Variants in ARID3A observed in about 807,000 individuals in gnomAD.
ARID3A encodes the protein AT-rich interactive domain-containing protein 3A.
A neutral mutation model predicts 52.7 loss-of-function variants in ARID3A; 11 were observed. The observed-to-expected ratio is 0.21, with a 90% CI of 0.13 to 0.35. The LOEUF (loss-of-function observed/expected upper bound fraction) is 0.35. Among genes scored for constraint, ARID3A ranks in the 10% least tolerant of loss-of-function variants. The pLI, the probability that ARID3A is intolerant of heterozygous loss-of-function variation, is 1.00. For synonymous variants in ARID3A, 404 were observed against 359.4 expected (o/e 1.12, Z -1.40); for missense variants, 721 against 838.5 (o/e 0.86, Z 1.73).
At chr19:965,823 C>T (rs1174341979) in intron 6 of ARID3A, among the ~76,000 whole-genome samples, 4 of 151,624 alleles carry the variant, frequency 2.6e-5, no homozygotes, top group Non-Finnish European at 5.9e-5. Context: ...GAAACCCTGT[C>T]TCTACTAAAA....
At chr19:927,635 C>T (rs2037229336) in intron 1 of ARID3A, among the ~76,000 whole-genome samples, 1 of 146,340 alleles carries the variant, frequency 6.8e-6, no homozygotes, top group African/African-American at 2.6e-5. Flanking sequence ...GGGGGAGGGG[C>T]GACAGACCCG....
intron 2 of ARID3A, among the ~76,000 whole-genome samples, chr19:932,027 G>T (rs1210623104): frequency 9.9e-5 from 15 of 151,482 alleles, no homozygotes; most frequent in Non-Finnish European, 1.5e-4. Context: ...AGAGAGTCTT[G>T]CTCTGTGGCC....
chr19:926,672 C>T (rs2037206869), intron 1 of ARID3A, among the ~76,000 whole-genome samples: 1 of 150,884 alleles, frequency 6.6e-6, no homozygotes, highest in African/African-American at 2.4e-5. Flanking sequence ...ACACCGCGGC[C>T]CCCGGGCGCC....
At chr19:954,591 G>A (rs901510090) in intron 3 of ARID3A, among the ~76,000 whole-genome samples, 9 of 152,256 alleles carry the variant, frequency 5.9e-5, no homozygotes, top group African/African-American at 1.9e-4. Context: ...CACAGCTGGG[G>A]CCATGCGAGG....
At chr19:935,532 TA>T (rs1247859115) in intron 3 of ARID3A, among the ~76,000 whole-genome samples, 17 of 152,116 alleles carry the variant, frequency 1.1e-4, no homozygotes, top group Non-Finnish European at 2.5e-4. Flanking sequence ...GGCTGGAGTG[TA>T]GTGGTGCTGT....
chr19:954,594 A>G (rs1338175744), intron 3 of ARID3A, among the ~76,000 whole-genome samples: 1 of 152,206 alleles, frequency 6.6e-6, no homozygotes, highest in East Asian at 1.9e-4. Context: ...AGCTGGGGCC[A>G]TGCGAGGGCT....
At chr19:943,856 C>G (rs2037611974) in intron 3 of ARID3A, among the ~76,000 whole-genome samples, 1 of 152,198 alleles carries the variant, frequency 6.6e-6, no homozygotes, top group African/African-American at 2.4e-5. Context: ...CTGAGCCCGA[C>G]CCTTTCATGG....
chr19:941,151 G>T lies in ARID3A; in HGVS notation c.693+8409G>T, dbSNP rs531435361. Among the ~76,000 whole-genome samples, 1 of 152,204 alleles carries T rather than the reference G, an allele frequency of 6.6e-6. No individual in the cohort carries two copies. The highest frequency in any genetic ancestry group is 1.5e-5 in the Non-Finnish European group (1 of 68,016). ...CGCCCCATGCTTTCTAATAACACAC[G>T]CGGCAGCCCGAGGGAGCGGTGCCCG... On this transcript the variant is annotated intron_variant, in intron 3 of 8. Transcript: ENST00000263620. This position sits in a 1 kb window ranked among gnomAD's most constrained non-coding sequence, Gnocchi z 6.9.
At chr19:946,248 C>T (rs867046305) in intron 3 of ARID3A, among the ~76,000 whole-genome samples, 3 of 151,860 alleles carry the variant, frequency 2.0e-5, no homozygotes, top group South Asian at 4.2e-4. Flanking sequence ...TTACTTTTTC[C>T]TTTTTATTTA....
intron 3 of ARID3A, among the ~76,000 whole-genome samples, chr19:949,454 G>C (rs1271108356): frequency 6.6e-6 from 1 of 152,162 alleles, no homozygotes; most frequent in Non-Finnish European, 1.5e-5. Flanking sequence ...TGGGGCTTCA[G>C]AGAGGGGCCG....
chr19:962,213 C>T (rs932468221), intron 4 of ARID3A, among the ~76,000 whole-genome samples: 1 of 152,200 alleles, frequency 6.6e-6, no homozygotes, highest in East Asian at 1.9e-4. Flanking sequence ...CTCTCCTTCA[C>T]TCCAGACAGA....
intron 3 of ARID3A, among the ~76,000 whole-genome samples, chr19:955,117 T>C (rs1440886986): frequency 6.6e-6 from 1 of 152,068 alleles, no homozygotes; most frequent in Non-Finnish European, 1.5e-5. Context: ...AAGGCCTGGG[T>C]TTGCCATGGG....
Position 937,205 on chromosome 19 carries a change from C to T in ARID3A, c.693+4463C>T, listed in dbSNP as rs563515173. On this transcript the variant is annotated intron_variant, in intron 3 of 8. Coordinates refer to ENST00000263620, the MANE Select transcript of ARID3A (RefSeq NM_005224.3). ...CTTGAACCCGGGAGGCGGAGATTGC[C>T]GTGAGCCGAGATCGCGCCACTGCAC... Among the ~76,000 whole-genome samples the T allele has an allele frequency of 1.0e-4, 15 of 148,406 alleles. No individual in the cohort carries two copies. In the East Asian group the frequency reaches 2.7e-3, roughly 27 times the overall value.
chr19:954,611 C>T (rs1200055979), intron 3 of ARID3A, among the ~76,000 whole-genome samples: 1 of 152,160 alleles, frequency 6.6e-6, no homozygotes, highest in East Asian at 1.9e-4. Context: ...GGCTGGGGGT[C>T]CAAGGGGGGC....
At chr19:940,913 G>A (rs2037535702) in intron 3 of ARID3A, among the ~76,000 whole-genome samples, 1 of 152,010 alleles carries the variant, frequency 6.6e-6, no homozygotes, top group African/African-American at 2.4e-5. Context: ...GCCCTGGCGG[G>A]CGAGGGGTGG....
rs1375176244 is a variant in ARID3A, at chr19:972,744, A to G, written c.*679A>G. On this transcript the variant is annotated 3_prime_UTR_variant, in exon 9 of 9. Transcript: ENST00000263620. ...GAAAAGGATATCTATATATCTATAT[A>G]GCTATATATTTGTGTTCCTTCAGGG... is the stretch of plus-strand genomic sequence containing the variant. 1.6e-5 allele frequency: 3 copies of G among 186,352 alleles called. No individual in the cohort carries two copies. The highest frequency in any genetic ancestry group is 7.1e-5 in the Admixed American group (1 of 14,040). 11.5% of individuals were successfully genotyped at this position (186,352 alleles called of 1,614,324 possible).
chr19:938,594 G>A lies in ARID3A; in HGVS notation c.693+5852G>A, dbSNP rs551936149. Among the ~76,000 whole-genome samples, 22 of 152,354 alleles carry A rather than the reference G, an allele frequency of 1.4e-4. No homozygotes were observed. The highest frequency in any genetic ancestry group is 8.3e-4 in the South Asian group (4 of 4,824). Reference sequence around the variant, plus strand: ...TTTGGGGAAGCTCAGCTGCCCCTCCGTTTTTCTTTTTGTCTGGAATGAAAG... The same window carrying A: ...TTTGGGGAAGCTCAGCTGCCCCTCCATTTTTCTTTTTGTCTGGAATGAAAG... On this transcript the variant is annotated intron_variant, in intron 3 of 8. Transcript: ENST00000263620. This position sits in a 1 kb window ranked among gnomAD's most constrained non-coding sequence, Gnocchi z 4.0.
intron 1 of ARID3A, among the ~76,000 whole-genome samples, chr19:927,987 C>T (rs1054787750): frequency 1.3e-5 from 2 of 152,122 alleles, no homozygotes; most frequent in Non-Finnish European, 1.5e-5. Flanking sequence ...CTCTCTTGTC[C>T]GGTGACTGGG....
upstream of ARID3A, chr19:926,013 T>C (rs1336963240): frequency 6.8e-6 from 1 of 147,516 alleles, no homozygotes; most frequent in Non-Finnish European, 1.5e-5. Context: ...GGGCGCCTCT[T>C]ACCAATCGGG....
Sources: gnomAD v4.1 joint callset for allele counts (sites outside exome capture counted in the v4.1 genomes callset) on GRCh38, gnomAD v4.1.1 for gene constraint, Gnocchi (gnomAD v3.1) non-coding constraint, MANE v1.5 for transcripts, NCBI Gene and HGNC (gene_info 2026-07-23, HGNC 2026-07-21) for gene names.